Variants in SYNJ2 observed in about 807,000 individuals in gnomAD.
SYNJ2 encodes polyphosphatidylinositol phosphatase SYNJ2.
Under a neutral mutation model 141.3 loss-of-function variants are expected in SYNJ2, and 116 were observed. The observed-to-expected ratio is 0.82, with a 90% CI of 0.71 to 0.96. The LOEUF is 0.96. SYNJ2 is among the 40% of genes least tolerant of loss of function. The pLI, the probability that SYNJ2 is intolerant of heterozygous loss-of-function variation, is 0.00. For synonymous variants in SYNJ2, 745 were observed against 777.7 expected, an observed-to-expected ratio of 0.96 and a Z score of 0.70; for missense variants, 1,873 against 1,934.8, an observed-to-expected ratio of 0.97 and a Z score of 0.60.
intron 13 of SYNJ2, 80 bp downstream of exon 13, chr6:158,068,808 C>G: frequency 2.0e-6 from 3 of 1,484,900 alleles, no homozygotes; most frequent in Non-Finnish European, 2.8e-6. Flanking sequence ...CTGAGGCTCT[C>G]CGGGAGCCAG....
intron 2 of SYNJ2, 26 bp from the exon 3 acceptor site, chr6:158,028,730 G>A: frequency 6.2e-7 from 1 of 1,609,846 alleles, no homozygotes; most frequent in South Asian, 1.1e-5. Context: ...TCGACCCTGA[G>A]CTCTCCTGTC....
intron 4 of SYNJ2, among the ~76,000 whole-genome samples, chr6:158,034,952 G>A (rs532859201): frequency 6.6e-6 from 1 of 152,290 alleles, no homozygotes; most frequent in Non-Finnish European, 1.5e-5. Context: ...TTTTCCCATT[G>A]CTTGTTTTTG....
intron 5 of SYNJ2, among the ~76,000 whole-genome samples, chr6:158,054,166 TATCCATCCATCC>T (rs762905014): frequency 5.1e-4 from 69 of 134,028 alleles, no homozygotes; most frequent in Middle Eastern, 5.5e-3. Flanking sequence ...TCCACTCAGC[TATCCATCCATCC>T]ATCCATCCAT....
In SYNJ2 at chr6:158,028,804, T is replaced by C. The variant is rs760330239; in HGVS notation, c.263T>C (p.Val88Ala). 1 of 1,614,182 alleles carries C rather than the reference T, an allele frequency of 6.2e-7. No homozygotes were observed. Among genetic ancestry groups the C allele is most frequent in the Non-Finnish European group, 8.5e-7 (1 of 1,180,030 alleles). ...FLVLVTGCTS[V>A]GRIPDAEIYK... The stretch of plus-strand genomic sequence containing the variant: ...GTGTTGGTGACAGGCTGCACATCTG[T>C]GGGCAGAATTCCAGATGCTGAAATC... The change falls in exon 3 of 27, where the codon GTG becomes GCG. Residue 88 changes from valine (V) to alanine (A), a missense_variant. Transcript: ENST00000355585.
At chr6:158,051,749 C>T (rs1387513313) in intron 5 of SYNJ2, among the ~76,000 whole-genome samples, 1 of 150,864 alleles carries the variant, frequency 6.6e-6, no homozygotes, top group Non-Finnish European at 1.5e-5. Context: ...GAGTTCAAGA[C>T]CAACGTGGGC....
chr6:158,059,428 G>T (rs759920672), intron 7 of SYNJ2, 75 bp downstream of exon 7: 26 of 1,534,178 alleles, frequency 1.7e-5, no homozygotes, highest in Non-Finnish European at 2.2e-5. Flanking sequence ...CCTGGAGGTG[G>T]CTCCTGCAGG....
chr6:157,994,785 A>C (rs1777579737), intron 1 of SYNJ2, among the ~76,000 whole-genome samples: 1 of 152,244 alleles, frequency 6.6e-6, no homozygotes. Flanking sequence ...TTTAACCAGA[A>C]GCAATAGATT....
At chr6:158,034,777 T>C (rs1253676663) in intron 4 of SYNJ2, among the ~76,000 whole-genome samples, 1 of 152,242 alleles carries the variant, frequency 6.6e-6, no homozygotes, top group Non-Finnish European at 1.5e-5. Flanking sequence ...TAGAATGGTA[T>C]TGCCTAGGTT....
rs200859235 is a variant in SYNJ2, at chr6:158,066,659, G to A, written c.1717+24G>A. 6.8e-6 allele frequency: 11 copies of A among 1,609,848 alleles called. No individual in the cohort carries two copies. In the East Asian group the frequency reaches 2.0e-4, roughly 29 times the overall value. ...GGGTGAGGGCAGTGACTTTGGGGGA[G>A]ACAAAATCCAATTGCACCTAACCTG... is the stretch of plus-strand genomic sequence containing the variant. On this transcript the variant is annotated intron_variant, in intron 12 of 26. Transcript: ENST00000355585.
At chr6:158,007,622 A>G (rs1778122291) in intron 1 of SYNJ2, among the ~76,000 whole-genome samples, 1 of 152,096 alleles carries the variant, frequency 6.6e-6, no homozygotes, top group Non-Finnish European at 1.5e-5. Context: ...TAGATGTGAT[A>G]ATGGTATTGT....
Position 158,003,150 on chromosome 6 carries a change from G to A in SYNJ2, c.128-14054G>A, listed in dbSNP as rs763758249. Among the ~76,000 whole-genome samples, 14 of 152,314 alleles carry A rather than the reference G, an allele frequency of 9.2e-5. No individual in the cohort carries two copies. In the East Asian group the frequency reaches 1.7e-3, roughly 19 times the overall value. ...TTGTGATGTGGGCATGGCGTTGGTGGGAGGTAGTGCATTTGCTGAGGGTGA... is the reference window on the plus strand; with the variant it reads ...TTGTGATGTGGGCATGGCGTTGGTGAGAGGTAGTGCATTTGCTGAGGGTGA... On this transcript the variant is annotated intron_variant, in intron 1 of 26. Coordinates refer to ENST00000355585, the MANE Select transcript of SYNJ2 (RefSeq NM_003898.4).
At chr6:158,002,158 G>C (rs946133139) in intron 1 of SYNJ2, 7 of 152,204 alleles carry the variant, frequency 4.6e-5, no homozygotes, top group African/African-American at 1.7e-4. Context: ...CTTCCTCACT[G>C]CCTGTTTTTC....
Position 157,981,910 on chromosome 6 carries a change from C to T in SYNJ2, c.-52C>T, listed in dbSNP as rs1777025464. 1.6e-6 allele frequency: 2 copies of T among 1,217,216 alleles called. No homozygotes were observed. Among genetic ancestry groups the T allele is most frequent in the Non-Finnish European group, 2.0e-6 (2 of 977,032 alleles). The allele number at this position is 1,217,216 out of a possible 1,614,324, so 75.4% of individuals were successfully genotyped here. Reference sequence around the variant, plus strand: ...GCGCGGGGAGCTGTCGCGGGCAGCGCGCCCTCGGGAGGACGTGGCCCCGGC... The same window carrying T: ...GCGCGGGGAGCTGTCGCGGGCAGCGTGCCCTCGGGAGGACGTGGCCCCGGC... On this transcript the variant is annotated 5_prime_UTR_variant, in exon 1 of 27. Transcript: ENST00000355585. This position sits in a 1 kb window ranked among gnomAD's most constrained non-coding sequence, Gnocchi z 6.4.
chr6:158,083,782 G>C (rs555218411), intron 21 of SYNJ2, among the ~76,000 whole-genome samples, 185 bp downstream of exon 21: 1 of 152,272 alleles, frequency 6.6e-6, no homozygotes, highest in East Asian at 1.9e-4. Flanking sequence ...CCTGGGACCC[G>C]AGGCATCTAA....
At chr6:158,080,400 G>A (rs779717199) in intron 18 of SYNJ2, among the ~76,000 whole-genome samples, 2 of 151,520 alleles carry the variant, frequency 1.3e-5, no homozygotes, top group Non-Finnish European at 2.9e-5. Context: ...ACTTGAGCCC[G>A]GGAGGCGGAG....
intron 3 of SYNJ2, among the ~76,000 whole-genome samples, chr6:158,032,469 G>A (rs1369916240): frequency 1.3e-5 from 2 of 152,226 alleles, no homozygotes; most frequent in Non-Finnish European, 2.9e-5. Flanking sequence ...CCTCAGGATG[G>A]TACCACTCAG....
intron 15 of SYNJ2, among the ~76,000 whole-genome samples, chr6:158,073,221 A>G (rs1266376240): frequency 6.6e-6 from 1 of 152,008 alleles, no homozygotes; most frequent in Non-Finnish European, 1.5e-5. Context: ...GTTTTTTGAG[A>G]CAGTCTCACT....
intron 1 of SYNJ2, among the ~76,000 whole-genome samples, chr6:157,996,493 G>A (rs902651413): frequency 6.6e-6 from 1 of 152,042 alleles, no homozygotes; most frequent in South Asian, 2.1e-4. Context: ...ACCATTTCCT[G>A]GGCTCACTGC....
chr6:157,985,829 T>C (rs527559566), intron 1 of SYNJ2, among the ~76,000 whole-genome samples: 10 of 152,042 alleles, frequency 6.6e-5, no homozygotes, highest in Admixed American at 2.0e-4. Flanking sequence ...GAGGGAGGGA[T>C]GGGGCAGGAG....
Sources: allele counts gnomAD v4.1 joint callset (sites outside exome capture counted in the v4.1 genomes callset), GRCh38; gene constraint gnomAD v4.1.1; non-coding constraint Gnocchi (gnomAD v3.1); transcripts MANE v1.5; gene names NCBI Gene and HGNC (gene_info 2026-07-23, HGNC 2026-07-21).